Variants in EMC7 observed in about 807,000 individuals in gnomAD.
EMC7 encodes endoplasmic reticulum membrane protein complex subunit 7.
A neutral mutation model predicts 24.4 loss-of-function variants in EMC7; 4 were observed. The observed-to-expected ratio is 0.16, with a 90% confidence interval of 0.08 to 0.38. The LOEUF (loss-of-function observed/expected upper bound fraction) is 0.38, where lower values mean the gene tolerates loss of function less well. Among genes scored for constraint, EMC7 ranks in the 10% least tolerant of loss-of-function variants. The probability of loss-of-function intolerance (pLI) is 1.00; values close to 1 mark genes in which losing one functional copy is unlikely to be tolerated. For missense variants in EMC7, 221 were observed against 300.6 expected (o/e 0.74, Z 1.96); for synonymous variants, 106 against 112.0 (o/e 0.95, Z 0.34).
At chr15:34,090,548 C>T (rs1467122666) in intron 2 of EMC7, 93 bp from the exon 3 acceptor site, 8 of 1,326,738 alleles carry the variant, frequency 6.0e-6, no homozygotes, top group African/African-American at 3.0e-5. Flanking sequence ...ATGCCTTATA[C>T]ACACTTTCAG....
intron 1 of EMC7, among the ~76,000 whole-genome samples, chr15:34,098,483 TCTCA>T (rs1247522916): frequency 2.5e-4 from 35 of 141,936 alleles, no homozygotes; most frequent in African/African-American, 8.7e-4. Flanking sequence ...TGAGACAGAG[TCTCA>T]CTCTGTCACC....
intron 1 of EMC7, among the ~76,000 whole-genome samples, chr15:34,099,796 G>A (rs925875822): frequency 4.0e-5 from 6 of 151,692 alleles, no homozygotes; most frequent in African/African-American, 1.5e-4. Flanking sequence ...GTAGAAATGG[G>A]GTCCCACTAT....
chr15:34,101,511 C>G, intron 1 of EMC7, 93 bp downstream of exon 1: 1 of 1,350,408 alleles, frequency 7.4e-7, no homozygotes, highest in Non-Finnish European at 1.0e-6. Flanking sequence ...TCTGAGACAG[C>G]GACGTTGTCC....
intron 4 of EMC7, 53 bp downstream of exon 4, chr15:34,088,000 A>T: frequency 6.7e-7 from 1 of 1,484,664 alleles, no homozygotes; most frequent in Non-Finnish European, 9.2e-7. Context: ...CTTGAGCAAC[A>T]GAGGCTCTAT....
rs146450132 is a variant in EMC7 at position 34,090,518 on chromosome 15, C to G, written c.357-63G>C. 1.5e-4 allele frequency: 226 copies of G among 1,543,194 alleles called. No individual in the cohort carries two copies. In the African/African-American group the frequency reaches 2.9e-3, roughly 20 times the overall value. On this transcript the variant is annotated intron_variant, in intron 2 of 4. Coordinates refer to ENST00000256545, the MANE Select transcript of EMC7 (RefSeq NM_020154.3). ...TTAAAAACATTACTGGTTAAAAGAACTGCTTATATTATATTAGCAATGCCT... is the reference window on the plus strand; with the variant it reads ...TTAAAAACATTACTGGTTAAAAGAAGTGCTTATATTATATTAGCAATGCCT...
intron 4 of EMC7, 101 bp from the exon 5 acceptor site, chr15:34,084,587 G>T (rs1900845380): frequency 7.4e-7 from 1 of 1,343,940 alleles, no homozygotes; most frequent in Non-Finnish European, 1.0e-6. Context: ...ACAAGTGAAA[G>T]GTACTGGTTC....
intron 1 of EMC7, among the ~76,000 whole-genome samples, 184 bp from the exon 2 acceptor site, chr15:34,096,198 T>C (rs115117959): frequency 3.3e-5 from 5 of 152,118 alleles, no homozygotes; most frequent in African/African-American, 1.2e-4. Context: ...TGAGACGGAG[T>C]CTCGCTGCGA....
At chr15:34,101,504 G>T in intron 1 of EMC7, 100 bp downstream of exon 1, 2 of 1,304,036 alleles carry the variant, frequency 1.5e-6, no homozygotes. Context: ...CCTTCAGTCT[G>T]AGACAGCGAC....
chr15:34,101,751 G>A lies in EMC7; in HGVS notation c.89C>T (p.Ala30Val), dbSNP rs764975902. ...CCCACTCCCTCCCGATCCCTCAGCA[G>A]CAGCCCCGGGCACCTCCGAGCTCTG... ...DVQSSEVPGA[A>V]AEGSGGSGVG... The change falls in exon 1 of 5, where the codon GCT (alanine) becomes GTT (valine). Residue 30 changes from alanine to valine, a missense_variant. Around this residue, in one of 2 missense-constraint regions of EMC7, gnomAD observed 156 missense variants for 177.1 expected, o/e 0.88. Transcript: ENST00000256545. 17 of 1,613,604 alleles carry A rather than the reference G, an allele frequency of 1.1e-5. No homozygotes were observed. Among genetic ancestry groups the A allele is most frequent in the Non-Finnish European group, 1.4e-5 (16 of 1,180,004 alleles).
rs1272191470 is a variant in EMC7 at position 34,095,926 on chromosome 15, G to A, written c.325C>T (p.Arg109Ter). 6.2e-7 allele frequency: 1 copy of A among 1,609,592 alleles called. No individual in the cohort carries two copies. Among genetic ancestry groups the A allele is most frequent in the African/African-American group, 1.3e-5 (1 of 74,844 alleles). ...VSPAYRFDPV[R>*]VDITSKGKMR... ...TTTCCTTTCGAAGTGATATCCACTC[G>A]AACGGGATCAAATCTGTAAGCTGGA... Residue 109 changes from arginine (R) to a stop codon, truncating the protein, a stop_gained, in exon 2 of 5, where the codon CGA (arginine) becomes TGA (stop). Coordinates refer to ENST00000256545, the MANE Select transcript of EMC7 (RefSeq NM_020154.3). LOFTEE classifies it high-confidence loss of function.
chr15:34,090,239 TCA>T (rs1022310494), intron 3 of EMC7, 76 bp downstream of exon 3: 23 of 1,419,050 alleles, frequency 1.6e-5, no homozygotes, highest in South Asian at 1.2e-4. Context: ...GCTTTCTATC[TCA>T]CAGAGGTTTG....
At chr15:34,094,306 C>T (rs55747528) in intron 2 of EMC7, among the ~76,000 whole-genome samples, 71,681 of 151,230 alleles carry the variant, frequency 0.47, 20,369 homozygotes, top group Non-Finnish European at 0.64. Flanking sequence ...CTTTGGGAGG[C>T]GGGCAGATCA....
Position 34,101,844 on chromosome 15 carries a change from G to A in EMC7, c.-5C>T, listed in dbSNP as rs776854957. On this transcript the variant is annotated 5_prime_UTR_variant, in exon 1 of 5. Coordinates refer to ENST00000256545, the MANE Select transcript of EMC7 (RefSeq NM_020154.3). ...GCCCCACAGAGCGGCCGCCATGACA[G>A]CAGCTCTGCACTCAGACCGGCAGCC... 1.9e-6 allele frequency: 3 copies of A among 1,597,074 alleles called. No homozygotes were observed. Among genetic ancestry groups the A allele is most frequent in the South Asian group, 2.2e-5 (2 of 89,986 alleles).
Position 34,101,575 on chromosome 15 carries a change from C to CT in EMC7, c.236+28dup, listed in dbSNP as rs1901173954. 4 of 1,609,954 alleles carry CT rather than the reference C, an allele frequency of 2.5e-6. No individual in the cohort carries two copies. In the East Asian group the frequency reaches 8.9e-5, roughly 36 times the overall value. ...GTCCCTGTCCGGCCTCCATCCCAGCCTTTTTCCCGCTGCCCTCAGGATGCT... is the reference window on the plus strand; with the variant it reads ...GTCCCTGTCCGGCCTCCATCCCAGCCTTTTTTCCCGCTGCCCTCAGGATGCT... On this transcript the variant is annotated intron_variant, in intron 1 of 4. Transcript: ENST00000256545.
At chr15:34,097,510 A>G (rs1053238691) in intron 1 of EMC7, among the ~76,000 whole-genome samples, 1 of 152,194 alleles carries the variant, frequency 6.6e-6, no homozygotes, top group Non-Finnish European at 1.5e-5. Flanking sequence ...AAACCATCCT[A>G]TCAAGAGCTG....
At chr15:34,101,489 C>T in intron 1 of EMC7, 115 bp downstream of exon 1, 2 of 1,106,780 alleles carry the variant, frequency 1.8e-6, no homozygotes, top group Non-Finnish European at 2.6e-6. Context: ...TTAGCGGCAC[C>T]CTCCCCTTCA....
At chr15:34,094,701 C>CAA (rs11399551) in intron 2 of EMC7, among the ~76,000 whole-genome samples, 26 of 141,816 alleles carry the variant, frequency 1.8e-4, no homozygotes, top group African/African-American at 5.2e-4. Flanking sequence ...GACTTTGTCT[C>CAA]AAAAAAAAAA....
At chr15:34,090,024 A>G (rs561587068) in intron 3 of EMC7, among the ~76,000 whole-genome samples, 1 of 152,234 alleles carries the variant, frequency 6.6e-6, no homozygotes, top group Non-Finnish European at 1.5e-5. Context: ...AGCTCCAGGT[A>G]TGACTGACTT....
intron 1 of EMC7, among the ~76,000 whole-genome samples, chr15:34,096,476 G>A (rs1251403015): frequency 6.6e-6 from 1 of 152,008 alleles, no homozygotes; most frequent in Non-Finnish European, 1.5e-5. Flanking sequence ...GGCCTTCAGT[G>A]TCTATAATTA....
Sources: gnomAD v4.1 joint callset for allele counts (sites outside exome capture counted in the v4.1 genomes callset) on GRCh38, gnomAD v4.1.1 for gene constraint, gnomAD v4.1.1 regional missense constraint, MANE v1.5 for transcripts, NCBI Gene and HGNC (gene_info 2026-07-23, HGNC 2026-07-21) for gene names.